Variants in MLLT1 observed in about 807,000 individuals in gnomAD.
The protein encoded by MLLT1 is protein ENL.
In MLLT1, 11 loss-of-function variants were observed where a neutral mutation model predicts 55.1. The ratio of observed to expected loss-of-function variants is 0.20; its 90% CI spans 0.13 to 0.33. The LOEUF is 0.33. Ranked by LOEUF, MLLT1 falls within the 10% of genes least tolerant of loss-of-function variation. MLLT1 has a pLI of 1.00. For missense variants in MLLT1, 536 were observed against 760.6 expected (o/e 0.70, Z 3.47); for synonymous variants, 323 against 320.1 (o/e 1.01, Z -0.10).
rs1480715269 is a variant in MLLT1 at position 6,235,660 on chromosome 19, C to T, written c.277-4947G>A. 6.6e-6 allele frequency among the ~76,000 whole-genome samples: 1 copy of T among 152,308 alleles called. No homozygotes were observed. The highest frequency in any genetic ancestry group is 2.1e-4 in the South Asian group (1 of 4,830). On this transcript the variant is annotated intron_variant, in intron 3 of 11. Transcript: ENST00000252674. This position sits in a 1 kb window ranked among gnomAD's most constrained non-coding sequence, Gnocchi z 5.5. ...GAGTCCAGCCGCTTCTCCCAAGCTC[C>T]TCAGCCAGCCCCTCTCTCCTGGACC...
At chr19:6,221,440 C>T (rs1206892999) in intron 6 of MLLT1, among the ~76,000 whole-genome samples, 1 of 152,214 alleles carries the variant, frequency 6.6e-6, no homozygotes, top group South Asian at 2.1e-4. Context: ...AATGTCCGGA[C>T]GCTGTGCTGT....
At chr19:6,274,451 G>C (rs1442438047) in intron 1 of MLLT1, among the ~76,000 whole-genome samples, 1 of 152,176 alleles carries the variant, frequency 6.6e-6, no homozygotes, top group Non-Finnish European at 1.5e-5. Flanking sequence ...TCAATTAGCT[G>C]TCTCTCTAGG....
intron 3 of MLLT1, among the ~76,000 whole-genome samples, chr19:6,233,491 C>T (rs1478322135): frequency 6.6e-6 from 1 of 152,206 alleles, no homozygotes. Flanking sequence ...CAGGCTAGGG[C>T]TCCCTCCCCT....
At chr19:6,265,131 A>G (rs1050977506) in intron 2 of MLLT1, among the ~76,000 whole-genome samples, 5 of 151,846 alleles carry the variant, frequency 3.3e-5, no homozygotes, top group African/African-American at 1.2e-4. Flanking sequence ...ATGTTTCCAC[A>G]GAAAAAAACA....
intron 6 of MLLT1, among the ~76,000 whole-genome samples, chr19:6,220,743 G>C (rs905886458): frequency 6.6e-6 from 1 of 152,186 alleles, no homozygotes; most frequent in African/African-American, 2.4e-5. Context: ...CCCCAACCCT[G>C]GGGTAGAAGG....
At position 6,212,965 on chromosome 19, in the gene MLLT1, C is replaced by T. The variant is rs546828523; in HGVS notation, c.*77G>A. On this transcript the variant is annotated 3_prime_UTR_variant, in exon 12 of 12. Transcript: ENST00000252674. ...AAGGCAGTGCTGCGGGCAGGCGAGA[C>T]GGGAGAGGAGGGCAGGCGAGGCCTG... 9.2e-5 allele frequency: 144 copies of T among 1,561,184 alleles called. No individual in the cohort carries two copies. The highest frequency in any genetic ancestry group is 1.0e-4 in the Non-Finnish European group (116 of 1,146,950).
rs1222775975 is a variant in MLLT1 at position 6,240,626 on chromosome 19, A to T, written c.277-9913T>A. ...AGCAAACCACGAGACTGAGAGCACC[A>T]CGGAACCCTACAGCTCTCAGATTCA... On this transcript the variant is annotated intron_variant, in intron 3 of 11. Transcript: ENST00000252674. The surrounding 1 kb of genome is among the most constrained non-coding windows in gnomAD (Gnocchi z 4.7). Among the ~76,000 whole-genome samples, 1 of 152,174 alleles carries T rather than the reference A, an allele frequency of 6.6e-6. No homozygotes were observed. Among genetic ancestry groups the T allele is most frequent in the Non-Finnish European group, 1.5e-5 (1 of 68,032 alleles).
In MLLT1 at chr19:6,229,992, C is replaced by T. The variant is rs1001589338; in HGVS notation, c.420+578G>A. On this transcript the variant is annotated intron_variant, in intron 4 of 11. Coordinates refer to ENST00000252674, the MANE Select transcript of MLLT1 (RefSeq NM_005934.4). This position sits in a 1 kb window ranked among gnomAD's most constrained non-coding sequence, Gnocchi z 5.2. ...TTCTGTGACCAGGCCTCAGCCTGCA[C>T]GTCCCTCCCTCCACGCCCCCCTCCT... 5.3e-5 allele frequency among the ~76,000 whole-genome samples: 8 copies of T among 152,104 alleles called. No homozygotes were observed. Among genetic ancestry groups the T allele is most frequent in the South Asian group, 2.1e-4 (1 of 4,832 alleles).
At chr19:6,228,027 T>C (rs1245872528) in intron 4 of MLLT1, among the ~76,000 whole-genome samples, 1 of 152,218 alleles carries the variant, frequency 6.6e-6, no homozygotes, top group Admixed American at 6.5e-5. Context: ...AGGACACTGA[T>C]GTCATGCGGC....
chr19:6,263,610 T>C (rs2144944316), intron 2 of MLLT1: 1 of 152,262 alleles, frequency 6.6e-6, no homozygotes, highest in East Asian at 1.9e-4. Context: ...GTTGGCCGAG[T>C]GCTTCAATTC....
intron 8 of MLLT1, among the ~76,000 whole-genome samples, chr19:6,214,769 TCAC>T (rs1221525859): frequency 1.3e-5 from 2 of 152,092 alleles, no homozygotes; most frequent in African/African-American, 4.8e-5. Context: ...AACCATCACT[TCAC>T]AACACGTTTA....
chr19:6,248,506 T>C (rs2144913579), intron 3 of MLLT1, among the ~76,000 whole-genome samples: 1 of 152,360 alleles, frequency 6.6e-6, no homozygotes, highest in African/African-American at 2.4e-5. Flanking sequence ...TATCTGGCAC[T>C]TCCTAATATG....
intron 9 of MLLT1, 64 bp downstream of exon 9, chr19:6,213,875 A>G: frequency 6.4e-7 from 1 of 1,557,026 alleles, no homozygotes; most frequent in Non-Finnish European, 8.8e-7. Flanking sequence ...CCCTCCTAGG[A>G]CAGCCCGGCC....
intron 3 of MLLT1, among the ~76,000 whole-genome samples, chr19:6,253,059 C>T (rs1201055583): frequency 6.6e-6 from 1 of 151,526 alleles, no homozygotes; most frequent in Non-Finnish European, 1.5e-5. Flanking sequence ...GTCAGGAGAT[C>T]GAGACCATCC....
In MLLT1 at chr19:6,256,354, G is replaced by A. The variant is rs1415838344; in HGVS notation, c.276+5874C>T. 1.3e-5 allele frequency among the ~76,000 whole-genome samples: 2 copies of A among 152,122 alleles called. No individual in the cohort carries two copies. The highest frequency in any genetic ancestry group is 3.9e-4 in the East Asian group (2 of 5,194). On this transcript the variant is annotated intron_variant, in intron 3 of 11. Coordinates refer to ENST00000252674, the MANE Select transcript of MLLT1 (RefSeq NM_005934.4). This position sits in a 1 kb window ranked among gnomAD's most constrained non-coding sequence, Gnocchi z 4.1. ...CAGGCCCGTGGTTCCAGCTACCTGGGAGGCTGAGGTGGGAGGACTGCCTGA... is the reference window on the plus strand; with the variant it reads ...CAGGCCCGTGGTTCCAGCTACCTGGAAGGCTGAGGTGGGAGGACTGCCTGA...
chr19:6,276,095 C>T (rs996686867), intron 1 of MLLT1, among the ~76,000 whole-genome samples: 8 of 152,216 alleles, frequency 5.3e-5, no homozygotes, highest in African/African-American at 1.7e-4. Flanking sequence ...GAGTGCAAAA[C>T]CTCCCATTAC....
chr19:6,210,919 G>A lies in MLLT1; in HGVS notation c.*2123C>T. The A allele has an allele frequency of 1.3e-5, 3 of 230,998 alleles. No individual in the cohort carries two copies. Among genetic ancestry groups the A allele is most frequent in the Non-Finnish European group, 2.6e-5 (3 of 116,666 alleles). 14.3% of individuals were successfully genotyped at this position (230,998 alleles called of 1,614,324 possible). ...ACGTGAGGCCTTCCGGCCAGAGGAG[G>A]TAACTGAGAACTGGGTTGGTGCTTC... On this transcript the variant is annotated 3_prime_UTR_variant, in exon 12 of 12. Coordinates refer to ENST00000252674, the MANE Select transcript of MLLT1 (RefSeq NM_005934.4). This position sits in a 1 kb window ranked among gnomAD's most constrained non-coding sequence, Gnocchi z 4.6.
intron 3 of MLLT1, chr19:6,259,429 GGT>G (rs1412638283): frequency 1.3e-5 from 2 of 152,302 alleles, no homozygotes; most frequent in South Asian, 4.1e-4. Flanking sequence ...TTGGACAACT[GGT>G]GTGTGTTTAC....
Position 6,216,420 on chromosome 19 carries a change from G to C in MLLT1, c.1292C>G (p.Pro431Arg). 4 of 1,606,996 alleles carry C rather than the reference G, an allele frequency of 2.5e-6. No homozygotes were observed. The highest frequency in any genetic ancestry group is 2.5e-6 in the Non-Finnish European group (3 of 1,177,724). ...SGEEAAGKTNPGRDSRLSFSD... is the reference protein window; with the variant it reads ...SGEEAAGKTNRGRDSRLSFSD... ...GGGCCGTCACCTGGAGTCCCTCCCCGGGTTGGTCTTGCCGGCAGCCTCCTC... is the reference window on the plus strand; with the variant it reads ...GGGCCGTCACCTGGAGTCCCTCCCCCGGTTGGTCTTGCCGGCAGCCTCCTC... The change falls in exon 8 of 12, where the codon CCG (proline) becomes CGG (arginine). Residue 431 changes from proline (P) to arginine (R), a missense_variant. By Grantham distance (103) the Pro-to-Arg change is moderately radical (BLOSUM62 -2). This residue lies in a region of MLLT1 where 449 missense variants were observed against 489.0 expected (regional missense o/e 0.92). Coordinates refer to ENST00000252674, the MANE Select transcript of MLLT1 (RefSeq NM_005934.4).
Sources: gnomAD v4.1 joint callset for allele counts (sites outside exome capture counted in the v4.1 genomes callset) on GRCh38, gnomAD v4.1.1 for gene constraint, gnomAD v4.1.1 regional missense constraint, Gnocchi (gnomAD v3.1) non-coding constraint, MANE v1.5 for transcripts, NCBI Gene and HGNC (gene_info 2026-07-23, HGNC 2026-07-21) for gene names.